Variants in RELB observed in about 807,000 individuals in gnomAD.
The protein encoded by RELB is transcription factor RelB.
In RELB, 14 loss-of-function variants were observed where a neutral mutation model predicts 55.4. That is an observed-to-expected ratio of 0.25 (90% confidence interval 0.17 to 0.40). The LOEUF (loss-of-function observed/expected upper bound fraction) is 0.40. Among genes scored for constraint, RELB ranks in the 10% least tolerant of loss-of-function variants. The probability of loss-of-function intolerance (pLI) is 1.00; values close to 1 mark genes in which losing one functional copy is unlikely to be tolerated. For missense variants in RELB, 669 were observed against 830.7 expected, an observed-to-expected ratio of 0.81 and a Z score of 2.39; for synonymous variants, 409 against 371.3, an observed-to-expected ratio of 1.10 and a Z score of -1.17.
intron 5 of RELB, among the ~76,000 whole-genome samples, chr19:45,023,670 C>T (rs1971519344): frequency 6.6e-6 from 1 of 150,844 alleles, no homozygotes; most frequent in Non-Finnish European, 1.5e-5. Context: ...CATCTCCTGA[C>T]CTCGTGATCC....
At chr19:45,020,463 C>T (rs1029822889) in intron 4 of RELB, among the ~76,000 whole-genome samples, 4 of 151,984 alleles carry the variant, frequency 2.6e-5, no homozygotes, top group African/African-American at 7.2e-5. Flanking sequence ...GTCCTCCCAC[C>T]TCAACCTCCC....
At position 45,032,685 on chromosome 19, in the gene RELB, G is replaced by C. The variant is rs750636612; in HGVS notation, c.1143G>C (p.Leu381=). ...AGCCCGTGACAGTCAACGTCTTCCT[G>C]CAGCGGCTCACCGATGGGGTCTGCA... is the stretch of plus-strand genomic sequence containing the variant. ...IVEPVTVNVF[L]QRLTDGVCSE... Residue 381 remains leucine, a synonymous_variant, in exon 9 of 12, where the codon CTG becomes CTC. Coordinates refer to ENST00000221452, the MANE Select transcript of RELB (RefSeq NM_006509.4). 3 of 1,610,978 alleles carry C rather than the reference G, an allele frequency of 1.9e-6. No individual in the cohort carries two copies. The highest frequency in any genetic ancestry group is 2.5e-6 in the Non-Finnish European group (3 of 1,178,832).
chr19:45,020,075 A>G (rs1568400822), intron 4 of RELB, among the ~76,000 whole-genome samples: 1 of 150,774 alleles, frequency 6.6e-6, no homozygotes, highest in Non-Finnish European at 1.5e-5. Context: ...CCTTTTTTAA[A>G]AAAATTAAGA....
chr19:45,016,129 C>T (rs1971418812), intron 4 of RELB, among the ~76,000 whole-genome samples: 1 of 151,962 alleles, frequency 6.6e-6, no homozygotes, highest in African/African-American at 2.4e-5. Flanking sequence ...AGATTACAGG[C>T]ACCTGCCAGC....
intron 3 of RELB, among the ~76,000 whole-genome samples, chr19:45,011,707 A>C (rs944159884): frequency 1.4e-5 from 2 of 141,226 alleles, no homozygotes; most frequent in Admixed American, 1.4e-4. Flanking sequence ...TTGGCCTCCC[A>C]AGGTGTTGGG....
intron 2 of RELB, 151 bp from the exon 3 acceptor site, chr19:45,009,663 C>A: frequency 1.3e-6 from 1 of 787,712 alleles, no homozygotes; most frequent in Non-Finnish European, 2.0e-6. Flanking sequence ...GGTTTAGTGC[C>A]CCAGCAAGTC....
chr19:45,014,659 A>C (rs1425800359), intron 4 of RELB, among the ~76,000 whole-genome samples: 1 of 150,578 alleles, frequency 6.6e-6, no homozygotes, highest in African/African-American at 2.4e-5. Context: ...CTGGGATTAC[A>C]GGCACGCGCC....
intron 2 of RELB, among the ~76,000 whole-genome samples, chr19:45,004,379 C>A (rs1006155304): frequency 6.6e-6 from 1 of 151,132 alleles, no homozygotes; most frequent in Admixed American, 6.6e-5. Flanking sequence ...TGTGCCACCA[C>A]GCTCAGCTAA....
At chr19:45,031,520 T>A (rs560658784) in intron 8 of RELB, among the ~76,000 whole-genome samples, 1 of 152,296 alleles carries the variant, frequency 6.6e-6, no homozygotes, top group East Asian at 1.9e-4. Context: ...TGAGTCCTCT[T>A]ACTGAACCAC....
chr19:45,012,047 C>A lies in RELB; in HGVS notation c.275C>A (p.Thr92Lys). The change falls in exon 4 of 12, where the codon ACG becomes AAG. Residue 92 changes from threonine (T) to lysine (K), a missense_variant. Transcript: ENST00000221452. ...LVSRGAASLS[T>K]VTLGPVAPPA... The stretch of plus-strand genomic sequence containing the variant: ...TCTCGCGGGGCTGCGTCCCTGAGCA[C>A]GGTCACCCTGGGCCCTGTGGCGCCC... 1 of 1,566,316 alleles carries A rather than the reference C, an allele frequency of 6.4e-7. No individual in the cohort carries two copies. Among genetic ancestry groups the A allele is most frequent in the South Asian group, 1.2e-5 (1 of 85,788 alleles).
At chr19:45,029,723 A>C (rs1971598752) in intron 8 of RELB, among the ~76,000 whole-genome samples, 2 of 151,244 alleles carry the variant, frequency 1.3e-5, no homozygotes, top group South Asian at 4.2e-4. Context: ...GGTGGCATAC[A>C]CCTGTAATCC....
chr19:45,012,558 A>C (rs564140857), intron 4 of RELB, among the ~76,000 whole-genome samples: 1 of 152,176 alleles, frequency 6.6e-6, no homozygotes, highest in Non-Finnish European at 1.5e-5. Flanking sequence ...AGCCTGGCCA[A>C]CATGGTGAAA....
At chr19:45,023,256 C>A (rs1352207436) in intron 5 of RELB, among the ~76,000 whole-genome samples, 1 of 151,992 alleles carries the variant, frequency 6.6e-6, no homozygotes, top group Non-Finnish European at 1.5e-5. Context: ...ATTTACAGAC[C>A]CATCAGTAAT....
At chr19:45,006,468 T>C (rs2066763539) in intron 2 of RELB, among the ~76,000 whole-genome samples, 1 of 151,952 alleles carries the variant, frequency 6.6e-6, no homozygotes, top group Admixed American at 6.6e-5. Flanking sequence ...CCTCTCAAAG[T>C]GCTGGGATTA....
intron 3 of RELB, among the ~76,000 whole-genome samples, chr19:45,011,203 C>T (rs528381003): frequency 1.3e-5 from 2 of 150,972 alleles, no homozygotes; most frequent in Non-Finnish European, 2.9e-5. Flanking sequence ...TGCTCTGTTG[C>T]GCAGGATGGA....
chr19:45,033,364 C>G (rs1226064407), intron 9 of RELB, among the ~76,000 whole-genome samples: 3 of 152,070 alleles, frequency 2.0e-5, no homozygotes, highest in Non-Finnish European at 4.4e-5. Flanking sequence ...CCGGATTGTG[C>G]CTGGGGTGCT....
intron 4 of RELB, among the ~76,000 whole-genome samples, chr19:45,021,405 A>C (rs1170164687): frequency 7.1e-6 from 1 of 140,420 alleles, no homozygotes; most frequent in Non-Finnish European, 1.5e-5. Context: ...ACCCGCAGGC[A>C]GAGCTTGCAG....
intron 4 of RELB, among the ~76,000 whole-genome samples, chr19:45,020,366 G>A (rs554821588): frequency 6.6e-6 from 1 of 151,736 alleles, no homozygotes; most frequent in Admixed American, 6.6e-5. Context: ...TGGGATTATA[G>A]ATGCCTGTCA....
intron 3 of RELB, among the ~76,000 whole-genome samples, chr19:45,010,075 G>A (rs1346392932): frequency 2.6e-5 from 4 of 152,032 alleles, no homozygotes; most frequent in Non-Finnish European, 5.9e-5. Flanking sequence ...AGAGGCAGGA[G>A]GACTGCTTGA....
Sources: allele counts gnomAD v4.1 joint callset (sites outside exome capture counted in the v4.1 genomes callset), GRCh38; gene constraint gnomAD v4.1.1; transcripts MANE v1.5; gene names NCBI Gene and HGNC (gene_info 2026-07-23, HGNC 2026-07-21).